The following SERINC2 variants were observed in gnomAD, a reference collection of about 807,000 sequenced individuals.
SERINC2 encodes the protein serine incorporator 2, also known as tumor differentially expressed protein 2.
SERINC2 carries 56 observed loss-of-function variants against 54.2 expected under a neutral mutation model. The ratio of observed to expected loss-of-function variants is 1.03; its 90% CI spans 0.83 to 1.29. SERINC2 has a LOEUF of 1.29. SERINC2 is among the 50% of genes most tolerant of loss of function. SERINC2 has a pLI of 0.00. For missense variants in SERINC2, 614 were observed against 607.4 expected (o/e 1.01, Z -0.12); for synonymous variants, 272 against 253.1 (o/e 1.07, Z -0.71).
At chr1:31,426,626 C>T in intron 5 of SERINC2, 28 bp from the exon 6 acceptor site, 3 of 1,579,112 alleles carry the variant, frequency 1.9e-6, no homozygotes, top group Non-Finnish European at 2.6e-6. Flanking sequence ...CACCCACTGC[C>T]TACCCTCTCA....
At chr1:31,410,475 C>A, upstream of SERINC2, 3 of 1,549,148 alleles carry the variant, frequency 1.9e-6, no homozygotes, top group South Asian at 1.2e-5. Context: ...GAGAGCCCAG[C>A]CGGCCTTGGT....
chr1:31,410,731 C>T (rs1207819401), upstream of SERINC2, among the ~76,000 whole-genome samples: 1 of 152,146 alleles, frequency 6.6e-6, no homozygotes, highest in Admixed American at 6.5e-5. Context: ...GTGAAGTGGC[C>T]CCCCAAGGAT....
At chr1:31,409,971 G>C, upstream of SERINC2, 1 of 1,032,988 alleles carries the variant, frequency 9.7e-7, no homozygotes, top group South Asian at 1.7e-5. Context: ...ACCTTGGGGT[G>C]GGTGGTCCAA....
chr1:31,429,670 G>A lies in SERINC2; in HGVS notation c.1013+132G>A, dbSNP rs782326859. The A allele has an allele frequency of 5.9e-6, 6 of 1,018,258 alleles. No homozygotes were observed. The South Asian group carries it at 1.1e-4, about 18-fold the overall frequency. The allele number at this position is 1,018,258 out of a possible 1,614,324, so 63.1% of individuals were successfully genotyped here. ...ATTCAATATATCCAGGTCTTGCATT[G>A]TGCGGGAGGGGAAACTGAGTCCCTC... is the stretch of plus-strand genomic sequence containing the variant. On this transcript the variant is annotated intron_variant, in intron 8 of 9. Coordinates refer to ENST00000373709, the MANE Select transcript of SERINC2 (RefSeq NM_178865.5).
intron 2 of SERINC2, among the ~76,000 whole-genome samples, chr1:31,424,103 G>A (rs1553133160): frequency 6.6e-6 from 1 of 152,106 alleles, no homozygotes; most frequent in Non-Finnish European, 1.5e-5. Context: ...CTGGCCTAGG[G>A]GATGCTCTTC....
intron 8 of SERINC2, 54 bp downstream of exon 8, chr1:31,429,592 G>C: frequency 6.5e-7 from 1 of 1,531,240 alleles, no homozygotes; most frequent in Non-Finnish European, 8.8e-7. Flanking sequence ...CCCTGAGCCA[G>C]AGTGAGGGGA....
At chr1:31,424,994 TG>T in intron 3 of SERINC2, 121 bp downstream of exon 3, 1 of 741,438 alleles carries the variant, frequency 1.3e-6, no homozygotes, top group Non-Finnish European at 2.2e-6. Flanking sequence ...GGGCACAGCA[TG>T]GAGAACAGCT....
Position 31,431,841 on chromosome 1 carries a change from T to G in SERINC2, c.1014-1126T>G, listed in dbSNP as rs188919158. ...GGGTGGATAGGGTGGATAGGGTGGA[T>G]AGGGTGGATAGGGTGGATAGGGTGG... On this transcript the variant is annotated intron_variant, in intron 8 of 9. Transcript: ENST00000373709. Among the ~76,000 whole-genome samples, 206 of 35,948 alleles carry G rather than the reference T, an allele frequency of 5.7e-3. 1 individual carries two copies. Among genetic ancestry groups the G allele is most frequent in the African/African-American group, 9.4e-3 (150 of 15,922 alleles). 23.6% of individuals were successfully genotyped at this position (35,948 alleles called of 152,430 possible).
intron 2 of SERINC2, 43 bp downstream of exon 2, chr1:31,423,897 G>T: frequency 6.3e-7 from 1 of 1,588,238 alleles, no homozygotes. Flanking sequence ...AGCGAGGGGC[G>T]TCAGTGGCTC....
In SERINC2 at chr1:31,413,990, C is replaced by T; in HGVS notation, c.39+686C>T. The T allele has an allele frequency of 6.5e-7, 1 of 1,529,502 alleles. No homozygotes were observed. Among genetic ancestry groups the T allele is most frequent in the Admixed American group, 2.0e-5 (1 of 50,384 alleles). The allele number at this position is 1,529,502 out of a possible 1,614,324, so 94.7% of individuals were successfully genotyped here. ...ACTTCCCCAGCTCGCCCCGGATCAT[C>T]TGGGCCCCAGCGCGGAGACTGGGAT... On this transcript the variant is annotated intron_variant, in intron 1 of 9. Coordinates refer to ENST00000373709, the MANE Select transcript of SERINC2 (RefSeq NM_178865.5). This position sits in a 1 kb window ranked among gnomAD's most constrained non-coding sequence, Gnocchi z 5.0.
upstream of SERINC2, among the ~76,000 whole-genome samples, chr1:31,411,439 T>C (rs1228950887): frequency 6.6e-6 from 1 of 151,894 alleles, no homozygotes; most frequent in Non-Finnish European, 1.5e-5. Context: ...TGTAAACGAG[T>C]GGGTGGGGAA....
chr1:31,422,141 A>G (rs1640916359), intron 1 of SERINC2, among the ~76,000 whole-genome samples: 1 of 151,896 alleles, frequency 6.6e-6, no homozygotes, highest in Non-Finnish European at 1.5e-5. Context: ...TCTACAAAAA[A>G]TACAAAAATT....
chr1:31,431,636 G>A (rs1177570402), intron 8 of SERINC2, among the ~76,000 whole-genome samples: 1 of 152,220 alleles, frequency 6.6e-6, no homozygotes, highest in Non-Finnish European at 1.5e-5. Context: ...GCACAGGTCT[G>A]TTCTTAGCAT....
chr1:31,423,497 G>T (rs1255960012), intron 1 of SERINC2, among the ~76,000 whole-genome samples, 196 bp from the exon 2 acceptor site: 1 of 152,212 alleles, frequency 6.6e-6, no homozygotes, highest in African/African-American at 2.4e-5. Flanking sequence ...TTGAATCTGG[G>T]TTCTGTGGTT....
chr1:31,414,766 C>G (rs567262816), intron 1 of SERINC2: 8 of 985,330 alleles, frequency 8.1e-6, no homozygotes, highest in Non-Finnish European at 9.6e-6. Flanking sequence ...TGATTTCCAT[C>G]GGTTGCACCT....
At chr1:31,413,117 G>C (rs2148509188), upstream of SERINC2, 2 of 1,001,938 alleles carry the variant, frequency 2.0e-6, no homozygotes, top group Non-Finnish European at 2.4e-6. The surrounding 1 kb of genome is among the most constrained non-coding windows in gnomAD (Gnocchi z 5.0). Context: ...GGGAGGCCCC[G>C]AGCGCCGCCG....
chr1:31,432,219 G>GGGTGGAC (rs1641316463), intron 8 of SERINC2, among the ~76,000 whole-genome samples: 4 of 136,638 alleles, frequency 2.9e-5, no homozygotes, highest in African/African-American at 8.1e-5. Context: ...ACAGGGTGGA[G>GGGTGGAC]AGGGTGGATA....
chr1:31,427,551 C>T (rs1641078699), intron 6 of SERINC2, among the ~76,000 whole-genome samples: 1 of 152,178 alleles, frequency 6.6e-6, no homozygotes, highest in Admixed American at 6.5e-5. Flanking sequence ...ATTTATCCAG[C>T]AAATACCTCT....
chr1:31,414,417 C>CGG lies in SERINC2; in HGVS notation c.39+1115_39+1116dup, dbSNP rs1176904735. On this transcript the variant is annotated intron_variant, in intron 1 of 9. Coordinates refer to ENST00000373709, the MANE Select transcript of SERINC2 (RefSeq NM_178865.5). The stretch of plus-strand genomic sequence containing the variant: ...GGGACTCGCTTTCCTTTGTCCCTGA[C>CGG]GGGTTGTGTGTGTGTGTGTGTGTGT... 1.1e-3 allele frequency: 513 copies of CGG among 482,982 alleles called. 1 individual carries two copies. In the African/African-American group the frequency reaches 0.012, roughly 11 times the overall value. The allele number at this position is 482,982 out of a possible 1,614,324, so 29.9% of individuals were successfully genotyped here. A position where few individuals can be genotyped will look rare whatever the true frequency, so the allele number is the denominator to read the frequency against.
Sources: gnomAD v4.1 joint callset for allele counts (sites outside exome capture counted in the v4.1 genomes callset) on GRCh38, gnomAD v4.1.1 for gene constraint, Gnocchi (gnomAD v3.1) non-coding constraint, MANE v1.5 for transcripts, NCBI Gene and HGNC (gene_info 2026-07-23, HGNC 2026-07-21) for gene names.